CDK14: variants seen among roughly 807,000 people sequenced by gnomAD.
CDK14 encodes the protein cyclin-dependent kinase 14.
CDK14 carries 34 observed loss-of-function variants against 60.7 expected under a neutral mutation model. The ratio of observed to expected loss-of-function variants is 0.56; its 90% CI spans 0.43 to 0.75. The LOEUF (loss-of-function observed/expected upper bound fraction) is 0.75, where lower values mean the gene tolerates loss of function less well. Ranked by LOEUF, CDK14 falls within the 30% of genes least tolerant of loss-of-function variation. CDK14 has a pLI of 0.00. For missense variants in CDK14, 482 were observed against 564.1 expected, an observed-to-expected ratio of 0.85 and a Z score of 1.47; for synonymous variants, 197 against 203.7, an observed-to-expected ratio of 0.97 and a Z score of 0.28.
chr7:90,701,441 C>T (rs1276752077), intron 2 of CDK14, among the ~76,000 whole-genome samples: 4 of 152,140 alleles, frequency 2.6e-5, no homozygotes, highest in Non-Finnish European at 5.9e-5. Flanking sequence ...TAATAATACT[C>T]AATTTAGTAC....
chr7:90,801,373 C>A (rs919286792), intron 5 of CDK14, among the ~76,000 whole-genome samples: 1 of 151,884 alleles, frequency 6.6e-6, no homozygotes, highest in African/African-American at 2.4e-5. Context: ...TATTGTTATT[C>A]ATTTATTTTT....
Position 90,693,568 on chromosome 7 carries a change from C to T in CDK14, c.124-32999C>T, listed in dbSNP as rs189756758. On this transcript the variant is annotated intron_variant, in intron 2 of 14. Transcript: ENST00000380050. ...GAAAAGCTTGTTCAGGTAAGTAGAG[C>T]GGGAGAGCAGAAATTGAACTAATTT... Among the ~76,000 whole-genome samples the T allele has an allele frequency of 2.1e-3, 313 of 152,204 alleles. 3 individuals carry two copies. The highest frequency in any genetic ancestry group is 6.8e-3 in the African/African-American group (284 of 41,536).
At chr7:90,623,919 T>C (rs1799823848) in intron 2 of CDK14, among the ~76,000 whole-genome samples, 1 of 152,240 alleles carries the variant, frequency 6.6e-6, no homozygotes. Flanking sequence ...TCTTCCTCTT[T>C]GTCATCATCA....
intron 14 of CDK14, among the ~76,000 whole-genome samples, chr7:91,169,332 C>T (rs953267582): frequency 5.3e-5 from 8 of 152,194 alleles, no homozygotes; most frequent in African/African-American, 1.9e-4. Context: ...CTGGGCTGCC[C>T]TTTCACCCCT....
chr7:90,735,605 C>T (rs751212248), intron 3 of CDK14, among the ~76,000 whole-genome samples: 4 of 152,236 alleles, frequency 2.6e-5, no homozygotes, highest in Admixed American at 6.5e-5. Flanking sequence ...TCAACCTTCC[C>T]GATGGCTTTG....
intron 2 of CDK14, among the ~76,000 whole-genome samples, chr7:90,719,993 A>G (rs973809144): frequency 6.6e-6 from 1 of 152,198 alleles, no homozygotes; most frequent in Non-Finnish European, 1.5e-5. Flanking sequence ...TGATTTGGGA[A>G]AACCATTTTT....
At chr7:90,829,959 G>T (rs7459416) in intron 5 of CDK14, among the ~76,000 whole-genome samples, 2 of 152,158 alleles carry the variant, frequency 1.3e-5, no homozygotes, top group African/African-American at 4.8e-5. Context: ...GCCAGGTAGA[G>T]CCCCCATTGC....
rs1449491803 is a variant in CDK14, at chr7:91,118,149, A to T, written c.1379A>T (p.Tyr460Phe). ...SMRAFGKNNSYGKSLSNSKH is the reference protein window; with the variant it reads ...SMRAFGKNNSFGKSLSNSKH The stretch of plus-strand genomic sequence containing the variant: ...CGGGCCTTTGGGAAAAACAATAGTT[A>T]TGGCAAAAGTCTATCAAACAGCAAG... Residue 460 changes from tyrosine (Y) to phenylalanine (F), a missense_variant, in exon 14 of 15, where the codon TAT becomes TTT. Tyr to Phe is a conservative substitution (Grantham distance 22, BLOSUM62 3). Transcript: ENST00000380050. 2 of 1,613,404 alleles carry T rather than the reference A, an allele frequency of 1.2e-6. No homozygotes were observed. Among genetic ancestry groups the T allele is most frequent in the Non-Finnish European group, 1.7e-6 (2 of 1,179,418 alleles).
intron 3 of CDK14, among the ~76,000 whole-genome samples, chr7:90,730,200 G>A (rs1475166291): frequency 6.6e-6 from 1 of 152,090 alleles, no homozygotes; most frequent in Non-Finnish European, 1.5e-5. Context: ...CTTTTTTATG[G>A]CTGCATAGTA....
chr7:91,015,059 AT>A (rs1465280776), intron 10 of CDK14, among the ~76,000 whole-genome samples: 1 of 152,126 alleles, frequency 6.6e-6, no homozygotes, highest in Admixed American at 6.5e-5. Context: ...AATAGATAAT[AT>A]TCTGTGTAAT....
chr7:91,095,415 T>A (rs1798953981), intron 12 of CDK14, among the ~76,000 whole-genome samples: 2 of 152,226 alleles, frequency 1.3e-5, no homozygotes, highest in African/African-American at 4.8e-5. Context: ...GTTTGGGATT[T>A]TCCTTTACTT....
At chr7:90,804,923 C>T (rs1158706189) in intron 5 of CDK14, among the ~76,000 whole-genome samples, 1 of 151,948 alleles carries the variant, frequency 6.6e-6, no homozygotes, top group East Asian at 1.9e-4. Flanking sequence ...CCTACTTTGC[C>T]AATCTTTAAA....
chr7:90,964,364 A>G (rs1004628252), intron 9 of CDK14, among the ~76,000 whole-genome samples: 7 of 152,188 alleles, frequency 4.6e-5, no homozygotes, highest in Non-Finnish European at 1.0e-4. Flanking sequence ...ATAGTAGAAA[A>G]CATATGGAAA....
At chr7:90,905,890 A>T (rs1222417082) in intron 7 of CDK14, among the ~76,000 whole-genome samples, 2 of 152,134 alleles carry the variant, frequency 1.3e-5, no homozygotes, top group African/African-American at 4.8e-5. Flanking sequence ...TTGGCATCTG[A>T]ATTGCAGTGC....
At chr7:91,035,056 T>G (rs1796881961) in intron 10 of CDK14, among the ~76,000 whole-genome samples, 1 of 152,070 alleles carries the variant, frequency 6.6e-6, no homozygotes, top group South Asian at 2.1e-4. Context: ...ATAATTAGCA[T>G]TGACACTGTA....
At chr7:90,800,089 A>C (rs1215859296) in intron 5 of CDK14, among the ~76,000 whole-genome samples, 3 of 152,152 alleles carry the variant, frequency 2.0e-5, no homozygotes, top group Non-Finnish European at 4.4e-5. Flanking sequence ...GTTTGGGTAC[A>C]TTCTTTTTAA....
chr7:90,795,794 C>T (rs1216731536), intron 5 of CDK14, among the ~76,000 whole-genome samples: 1 of 152,120 alleles, frequency 6.6e-6, no homozygotes, highest in Non-Finnish European at 1.5e-5. Flanking sequence ...TCCTGGTATG[C>T]AGGGTGTGCA....
intron 5 of CDK14, among the ~76,000 whole-genome samples, chr7:90,834,083 A>G (rs1347061000): frequency 2.0e-5 from 3 of 152,198 alleles, no homozygotes; most frequent in Non-Finnish European, 2.9e-5. Flanking sequence ...GTTTGTCATC[A>G]TATGGTCTTA....
intron 4 of CDK14, among the ~76,000 whole-genome samples, chr7:90,764,459 C>A (rs538759788): frequency 6.6e-6 from 1 of 152,248 alleles, no homozygotes; most frequent in Admixed American, 6.5e-5. Flanking sequence ...TGCTCCCAGT[C>A]TATTTAGCAC....
Sources: allele counts gnomAD v4.1 joint callset (sites outside exome capture counted in the v4.1 genomes callset), GRCh38; gene constraint gnomAD v4.1.1; transcripts MANE v1.5; gene names NCBI Gene and HGNC (gene_info 2026-07-23, HGNC 2026-07-21).